The following DYM variants were observed in gnomAD, a reference collection of about 807,000 sequenced individuals.
DYM encodes the protein dymeclin.
A neutral mutation model predicts 93.1 loss-of-function variants in DYM; 78 were observed. That is an observed-to-expected ratio of 0.84 (90% CI 0.70 to 1.01). DYM has a LOEUF of 1.01. DYM is among the 50% of genes least tolerant of loss of function. The pLI is 0.00. For missense variants in DYM, 789 were observed against 845.0 expected (o/e 0.93, Z 0.82); for synonymous variants, 321 against 319.7 (o/e 1.00, Z -0.04).
intron 8 of DYM, among the ~76,000 whole-genome samples, chr18:49,302,444 G>GA (rs1449477529): frequency 5.3e-5 from 8 of 152,138 alleles, no homozygotes; most frequent in African/African-American, 1.9e-4. Flanking sequence ...TTTATCCTTG[G>GA]AAAAATGTCA....
At chr18:49,170,851 C>CA (rs2088612822) in intron 14 of DYM, among the ~76,000 whole-genome samples, 1 of 145,192 alleles carries the variant, frequency 6.9e-6, no homozygotes. Context: ...GAACAGAGGC[C>CA]AGAAAGGGTC....
chr18:49,258,244 C>T, intron 12 of DYM, 136 bp downstream of exon 12: 1 of 685,410 alleles, frequency 1.5e-6, no homozygotes. Context: ...TCATGTAATA[C>T]AGTGACTATA....
chr18:49,329,116 G>A (rs559340157), intron 8 of DYM, among the ~76,000 whole-genome samples: 17 of 152,200 alleles, frequency 1.1e-4, no homozygotes, highest in Admixed American at 2.0e-4. Flanking sequence ...AAAAAAGGAT[G>A]AGTTCATGTC....
intron 2 of DYM, among the ~76,000 whole-genome samples, chr18:49,408,153 A>C (rs1600007364): frequency 1.3e-5 from 2 of 152,244 alleles, no homozygotes; most frequent in Admixed American, 1.3e-4. Flanking sequence ...AAATATATAT[A>C]CAATTTTGCA....
At chr18:49,411,178 A>G (rs1444517185) in intron 2 of DYM, among the ~76,000 whole-genome samples, 2 of 152,246 alleles carry the variant, frequency 1.3e-5, no homozygotes, top group Admixed American at 6.5e-5. Context: ...TTCAATATGA[A>G]TAATATTAAA....
At chr18:49,302,711 G>A (rs1232065342) in intron 8 of DYM, among the ~76,000 whole-genome samples, 1 of 152,124 alleles carries the variant, frequency 6.6e-6, no homozygotes, top group Non-Finnish European at 1.5e-5. Flanking sequence ...AATCTCACTA[G>A]CATTTTTATT....
At chr18:49,069,998 G>T (rs1048763932) in intron 17 of DYM, among the ~76,000 whole-genome samples, 1 of 152,172 alleles carries the variant, frequency 6.6e-6, no homozygotes, top group Non-Finnish European at 1.5e-5. Context: ...CCAAGATCGC[G>T]CCACAGCACT....
At chr18:49,071,828 A>G (rs1267243670) in intron 17 of DYM, among the ~76,000 whole-genome samples, 3 of 152,248 alleles carry the variant, frequency 2.0e-5, no homozygotes, top group Admixed American at 6.5e-5. Flanking sequence ...TGGTAAGACT[A>G]CAAAGGATCC....
At chr18:49,389,224 T>C (rs374149800) in intron 3 of DYM, among the ~76,000 whole-genome samples, 4 of 152,308 alleles carry the variant, frequency 2.6e-5, no homozygotes, top group African/African-American at 9.6e-5. Context: ...GTATATCTTG[T>C]TTTGCTGTTC....
At chr18:49,080,124 C>A (rs1366113068) in intron 17 of DYM, among the ~76,000 whole-genome samples, 17 of 55,848 alleles carry the variant, frequency 3.0e-4, no homozygotes, top group Admixed American at 7.4e-4. Flanking sequence ...GACCCCCCCA[C>A]CTCCCTCCCG....
intron 16 of DYM, among the ~76,000 whole-genome samples, chr18:49,113,630 T>A (rs897590940): frequency 2.0e-5 from 3 of 152,158 alleles, no homozygotes; most frequent in Non-Finnish European, 2.9e-5. Flanking sequence ...TCTTCTACAG[T>A]CTTTCACAGA....
chr18:49,135,997 A>G (rs899013481), intron 15 of DYM, among the ~76,000 whole-genome samples: 9 of 152,242 alleles, frequency 5.9e-5, no homozygotes, highest in East Asian at 3.9e-4. Context: ...CAATGCCTAC[A>G]TTTTGTCCAA....
At chr18:49,401,768 G>A (rs941173046) in intron 2 of DYM, among the ~76,000 whole-genome samples, 2 of 152,174 alleles carry the variant, frequency 1.3e-5, no homozygotes, top group Non-Finnish European at 2.9e-5. Context: ...GCTCATGCCT[G>A]TAATACCAGC....
intron 13 of DYM, among the ~76,000 whole-genome samples, chr18:49,235,319 T>C (rs948728224): frequency 1.3e-5 from 2 of 152,350 alleles, no homozygotes; most frequent in Admixed American, 1.3e-4. Context: ...GATACTCAGA[T>C]TTTAGGTTTT....
At chr18:49,065,665 A>T (rs1599470666) in intron 17 of DYM, among the ~76,000 whole-genome samples, 1 of 148,772 alleles carries the variant, frequency 6.7e-6, no homozygotes, top group Non-Finnish European at 1.5e-5. Flanking sequence ...CCCGGCCTCA[A>T]TTTTTTTTTT....
intron 15 of DYM, among the ~76,000 whole-genome samples, chr18:49,121,791 A>T (rs1280683264): frequency 1.3e-5 from 2 of 152,220 alleles, no homozygotes; most frequent in Non-Finnish European, 2.9e-5. Context: ...AAAGCACTGA[A>T]ATAACAGCCA....
chr18:49,441,503 C>T (rs1040996178), intron 1 of DYM, among the ~76,000 whole-genome samples: 1 of 147,778 alleles, frequency 6.8e-6, no homozygotes, highest in Admixed American at 7.1e-5. Context: ...GCCACAGGTG[C>T]CATGAGTCCA....
chr18:49,166,826 G>T (rs2087934819), intron 14 of DYM, among the ~76,000 whole-genome samples: 1 of 152,056 alleles, frequency 6.6e-6, no homozygotes, highest in Non-Finnish European at 1.5e-5. Flanking sequence ...AACAAAAAAA[G>T]AAAAGCAATA....
intron 16 of DYM, among the ~76,000 whole-genome samples, chr18:49,101,789 C>T (rs2080171938): frequency 6.6e-6 from 1 of 152,030 alleles, no homozygotes; most frequent in Non-Finnish European, 1.5e-5. Flanking sequence ...GGAGCTCTCC[C>T]GAGGATTTAC....
Sources: allele counts gnomAD v4.1 joint callset (sites outside exome capture counted in the v4.1 genomes callset), GRCh38; gene constraint gnomAD v4.1.1; transcripts MANE v1.5; gene names NCBI Gene and HGNC (gene_info 2026-07-23, HGNC 2026-07-21).